The following NCOR1 variants were observed in gnomAD, a reference collection of about 807,000 sequenced individuals.
NCOR1 encodes protein phosphatase 1, regulatory subunit 109.
NCOR1 carries 63 observed loss-of-function variants against 288.1 expected under a neutral mutation model. The ratio of observed to expected loss-of-function variants is 0.22; its 90% CI spans 0.18 to 0.27. The LOEUF (loss-of-function observed/expected upper bound fraction) is 0.27. Among genes scored for constraint, NCOR1 ranks in the 10% least tolerant of loss-of-function variants. NCOR1 has a pLI of 1.00. For missense variants in NCOR1, 2,397 were observed against 3,019.2 expected (o/e 0.79, Z 4.83); for synonymous variants, 1,007 against 1,065.9 (o/e 0.94, Z 1.08).
intron 42 of NCOR1, among the ~76,000 whole-genome samples, chr17:16,045,875 G>A (rs911664242): frequency 1.3e-5 from 2 of 151,694 alleles, no homozygotes; most frequent in Admixed American, 6.6e-5. Flanking sequence ...GCAGTGATGC[G>A]ATCGTAGCTC....
At chr17:16,114,430 C>A (rs2071124883) in intron 18 of NCOR1, among the ~76,000 whole-genome samples, 1 of 152,140 alleles carries the variant, frequency 6.6e-6, no homozygotes, top group African/African-American at 2.4e-5. Flanking sequence ...TCCCAACAGT[C>A]CTCCAAAGTC....
At chr17:16,040,577 AAATT>A in intron 42 of NCOR1, 83 bp from the exon 43 acceptor site, 1 of 1,135,418 alleles carries the variant, frequency 8.8e-7, no homozygotes, top group South Asian at 1.4e-5. Flanking sequence ...TCCTATAATA[AAATT>A]AATCTTTTTA....
rs201221059 is a variant in NCOR1 at position 16,095,510 on chromosome 17, G to C, written c.2820+2857C>G. Among the ~76,000 whole-genome samples, 24 of 130,874 alleles carry C rather than the reference G, an allele frequency of 1.8e-4. 1 individual carries two copies. Among genetic ancestry groups the C allele is most frequent in the Non-Finnish European group, 3.8e-4 (23 of 60,688 alleles). 85.9% of individuals were successfully genotyped at this position (130,874 alleles called of 152,430 possible). A position where few individuals can be genotyped will look rare whatever the true frequency, so the allele number is the denominator to read the frequency against. On this transcript the variant is annotated intron_variant, in intron 21 of 45. Transcript: ENST00000268712. ...AGGTAGGGGGGTCAGCCCCCTGCCC[G>C]GCCAGCCGCCCCATCCGGGAGGGAG...
At chr17:16,160,753 T>C (rs564276093) in intron 5 of NCOR1, among the ~76,000 whole-genome samples, 3 of 152,074 alleles carry the variant, frequency 2.0e-5, no homozygotes, top group East Asian at 1.9e-4. Flanking sequence ...GATCGCACCA[T>C]TGCACTCCAG....
rs1222335164 is a variant in NCOR1 at position 16,140,592 on chromosome 17, T to C, written c.1174-1406A>G. Among the ~76,000 whole-genome samples, 16 of 152,178 alleles carry C rather than the reference T, an allele frequency of 1.1e-4. 1 individual carries two copies. The highest frequency in any genetic ancestry group is 1.9e-4 in the Non-Finnish European group (13 of 68,036). ...ACTTTGGGAGGCCAAGGCAGGTGGA[T>C]CACCTGAGGTCAGGAGTTTGAGACC... On this transcript the variant is annotated intron_variant, in intron 11 of 45. Transcript: ENST00000268712.
At position 16,057,617 on chromosome 17, in the gene NCOR1, T is replaced by A; in HGVS notation, c.6289A>T (p.Thr2097Ser). The A allele has an allele frequency of 6.2e-7, 1 of 1,614,144 alleles. No individual in the cohort carries two copies. The highest frequency in any genetic ancestry group is 8.5e-7 in the Non-Finnish European group (1 of 1,180,008). Residue 2097 changes from threonine (T) to serine (S), a missense_variant, in exon 40 of 46, where the codon ACA (threonine) becomes TCA (serine). Thr to Ser is a moderately conservative substitution (Grantham distance 58). Transcript: ENST00000268712. ...GATTCTGGGCTGTAACGGTTTGATG[T>A]TTTAGTCCTCACAGGTGTAGATACC... ...ALVSTPVRTK[T>S]SNRYSPESQA...
In NCOR1 at chr17:16,139,070, C is replaced by T. The variant is rs2153267965; in HGVS notation, c.1290G>A (p.Val430=). Reference sequence around the variant, plus strand: ...CATTCATAAACTGCCTATCTTTATACACTTTCATAGGGTCCTCCATAAGCC... The same window carrying T: ...CATTCATAAACTGCCTATCTTTATATACTTTCATAGGGTCCTCCATAAGCC... ...MNGLMEDPMK[V]YKDRQFMNVW... The change falls in exon 12 of 46, where the codon GTG becomes GTA. Residue 430 remains valine (V), a synonymous_variant. Transcript: ENST00000268712. The T allele has an allele frequency of 3.1e-6, 5 of 1,610,948 alleles. No homozygotes were observed. Among genetic ancestry groups the T allele is most frequent in the Non-Finnish European group, 4.2e-6 (5 of 1,178,306 alleles).
chr17:16,163,962 A>ATATT (rs1273734537), intron 5 of NCOR1, among the ~76,000 whole-genome samples: 1 of 152,228 alleles, frequency 6.6e-6, no homozygotes, highest in Non-Finnish European at 1.5e-5. Flanking sequence ...GACAGAGAAT[A>ATATT]GACTAGTGGC....
chr17:16,199,209 A>AC (rs1245896312), intron 1 of NCOR1, among the ~76,000 whole-genome samples: 1,353 of 109,832 alleles, frequency 0.012, 34 homozygotes, highest in African/African-American at 0.044. Context: ...AGAAGGAAAA[A>AC]AAAAAAAACA....
intron 18 of NCOR1, among the ~76,000 whole-genome samples, chr17:16,114,069 C>T (rs1465617944): frequency 7.2e-6 from 1 of 139,414 alleles, no homozygotes; most frequent in Non-Finnish European, 1.5e-5. Flanking sequence ...TACAGTTCCA[C>T]ATGGCTGGGG....
rs1204289218 is a variant in NCOR1, at chr17:16,127,279, ATACGTGTATATATG to A, written c.1510-1087_1510-1074del. ...TGTGTGTGTATATATGTATGTATATATACGTGTATATATGTATGTATGTATATATACATGTATGT... is the reference window on the plus strand; with the variant it reads ...TGTGTGTGTATATATGTATGTATATATATGTATGTATATATACATGTATGT... On this transcript the variant is annotated intron_variant, in intron 14 of 45. Coordinates refer to ENST00000268712, the MANE Select transcript of NCOR1 (RefSeq NM_006311.4). Among the ~76,000 whole-genome samples the A allele has an allele frequency of 2.1e-5, 2 of 97,272 alleles. 1 individual carries two copies. Among genetic ancestry groups the A allele is most frequent in the African/African-American group, 8.1e-5 (2 of 24,732 alleles). 63.8% of individuals were successfully genotyped at this position (97,272 alleles called of 152,430 possible). A position where few individuals can be genotyped will look rare whatever the true frequency, so the allele number is the denominator to read the frequency against.
At chr17:16,104,222 C>T (rs902404754) in intron 19 of NCOR1, among the ~76,000 whole-genome samples, 1 of 151,604 alleles carries the variant, frequency 6.6e-6, no homozygotes, top group Admixed American at 6.6e-5. Context: ...GACTCAAATA[C>T]TGGCTGGATT....
intron 4 of NCOR1, among the ~76,000 whole-genome samples, chr17:16,167,841 TAGA>T (rs1287940278): frequency 1.4e-5 from 1 of 69,808 alleles, no homozygotes; most frequent in Non-Finnish European, 2.7e-5. Flanking sequence ...ACCTGGGTGA[TAGA>T]AGAAGACTCC....
Position 16,061,800 on chromosome 17 carries a change from C to A in NCOR1, c.5482G>T (p.Ala1828Ser), listed in dbSNP as rs751129195. The A allele has an allele frequency of 1.4e-5, 23 of 1,614,214 alleles. No individual in the cohort carries two copies. Among genetic ancestry groups the A allele is most frequent in the Non-Finnish European group, 1.9e-5 (23 of 1,180,040 alleles). ...ACATCCATCTGGGGTGCAGAAGCTG[C>A]AGCATCCACAAGAGCAGCCAGGGCA... ...ADALAALVDA[A>S]ASAPQMDVSK... Residue 1828 changes from alanine (A) to serine (S), a missense_variant, in exon 37 of 46, where the codon GCA becomes TCA. Physicochemically the swap from Ala to Ser is moderately conservative, Grantham distance 99 (BLOSUM62 1). Transcript: ENST00000268712.
chr17:16,100,896 T>A (rs2067501239), intron 20 of NCOR1, among the ~76,000 whole-genome samples: 1 of 152,230 alleles, frequency 6.6e-6, no homozygotes, highest in Admixed American at 6.5e-5. Flanking sequence ...AGTGCCTCAA[T>A]GCCTCTAGCC....
intron 14 of NCOR1, 152 bp from the exon 15 acceptor site, chr17:16,126,358 G>A: frequency 1.4e-6 from 1 of 726,606 alleles, no homozygotes; most frequent in South Asian, 3.0e-5. Flanking sequence ...CAGTCTAGAG[G>A]TTTTTAATGT....
At chr17:16,033,040 A>G (rs1402572306) in intron 45 of NCOR1, among the ~76,000 whole-genome samples, 1 of 152,194 alleles carries the variant, frequency 6.6e-6, no homozygotes, top group Admixed American at 6.5e-5. Context: ...AAAGCCTCCT[A>G]CAGCTTAAGA....
At chr17:16,071,986 T>C (rs747607081) in intron 29 of NCOR1, among the ~76,000 whole-genome samples, 159 bp downstream of exon 29, 2 of 152,196 alleles carry the variant, frequency 1.3e-5, no homozygotes, top group Non-Finnish European at 2.9e-5. Context: ...CATCTTCCAA[T>C]AAATTATGTA....
chr17:16,095,824 G>T (rs1392680544), intron 21 of NCOR1, among the ~76,000 whole-genome samples: 5 of 151,932 alleles, frequency 3.3e-5, no homozygotes, highest in Admixed American at 6.6e-5. Flanking sequence ...TCTGGGAGGA[G>T]GTACCCAACA....
Sources: allele counts gnomAD v4.1 joint callset (sites outside exome capture counted in the v4.1 genomes callset), GRCh38; gene constraint gnomAD v4.1.1; transcripts MANE v1.5; gene names NCBI Gene and HGNC (gene_info 2026-07-23, HGNC 2026-07-21).